LMBRD1: variants seen among roughly 807,000 people sequenced by gnomAD.
LMBRD1 encodes lysosomal cobalamin transport escort protein LMBD1.
A neutral mutation model predicts 74.8 loss-of-function variants in LMBRD1; 64 were observed. The ratio of observed to expected loss-of-function variants is 0.86; its 90% confidence interval spans 0.70 to 1.05. The LOEUF is 1.05. Among genes scored for constraint, LMBRD1 ranks in the 50% least tolerant of loss-of-function variants. The pLI, the probability that LMBRD1 is intolerant of heterozygous loss-of-function variation, is 0.00. For synonymous variants in LMBRD1, 204 were observed against 216.3 expected (o/e 0.94, Z 0.50); for missense variants, 652 against 645.9 (o/e 1.01, Z -0.10).
intron 2 of LMBRD1, 32 bp from the exon 3 acceptor site, chr6:69,780,586 T>A (rs1046873521): frequency 6.6e-7 from 1 of 1,505,592 alleles, no homozygotes. Flanking sequence ...GAAATATTAA[T>A]GAAACACCCA....
chr6:69,717,447 G>A (rs899897833), intron 8 of LMBRD1, among the ~76,000 whole-genome samples: 6 of 152,036 alleles, frequency 3.9e-5, no homozygotes, highest in African/African-American at 1.4e-4. Context: ...ATGCTCATTA[G>A]AGGCTTCCTT....
intron 14 of LMBRD1, among the ~76,000 whole-genome samples, chr6:69,679,544 T>A (rs1356849652): frequency 6.6e-6 from 1 of 152,146 alleles, no homozygotes; most frequent in Non-Finnish European, 1.5e-5. Flanking sequence ...AAGGGGATAT[T>A]TTAAATTTAT....
intron 14 of LMBRD1, among the ~76,000 whole-genome samples, chr6:69,696,223 T>G (rs1298580341): frequency 6.6e-6 from 1 of 152,226 alleles, no homozygotes; most frequent in Non-Finnish European, 1.5e-5. Context: ...AGAAATTCTT[T>G]CAATTTACTT....
chr6:69,723,726 C>T (rs957109378), intron 7 of LMBRD1, among the ~76,000 whole-genome samples: 1 of 151,244 alleles, frequency 6.6e-6, no homozygotes, highest in Non-Finnish European at 1.5e-5. Context: ...AGAAGAAAAA[C>T]TTCAAACAAA....
chr6:69,780,948 C>G (rs1765821003), intron 2 of LMBRD1, among the ~76,000 whole-genome samples: 1 of 152,032 alleles, frequency 6.6e-6, no homozygotes, highest in Non-Finnish European at 1.5e-5. Flanking sequence ...TTAAATTGAG[C>G]TTTTGGAAAG....
chr6:69,790,979 A>T lies in LMBRD1; in HGVS notation c.70-507T>A, dbSNP rs548776571. Reference sequence around the variant, plus strand: ...CCATGCAATTATCACATTATACTATAATTTAAATTTTAAAGAGCATTAAAC... The same window carrying T: ...CCATGCAATTATCACATTATACTATTATTTAAATTTTAAAGAGCATTAAAC... On this transcript the variant is annotated intron_variant, in intron 1 of 15. Transcript: ENST00000649934. Among the ~76,000 whole-genome samples, 33 of 152,308 alleles carry T rather than the reference A, an allele frequency of 2.2e-4. No individual in the cohort carries two copies. The South Asian group carries it at 6.8e-3, about 32-fold the overall frequency.
In LMBRD1 at chr6:69,749,394, T is replaced by C. The variant is rs762039839; in HGVS notation, c.420A>G (p.Ala140=). 77 of 1,612,054 alleles carry C rather than the reference T, an allele frequency of 4.8e-5. No homozygotes were observed. The highest frequency in any genetic ancestry group is 6.4e-5 in the Non-Finnish European group (76 of 1,178,960). Residue 140 remains alanine, a synonymous_variant, in exon 5 of 16, where the codon GCA becomes GCG. Coordinates refer to ENST00000649934, the MANE Select transcript of LMBRD1 (RefSeq NM_018368.4). ...DTSKCTQIKT[A]LKYTLGFVVI... is the part of the protein sequence containing the mutation. ...CAACAAATCCCAAAGTATACTTGAG[T>C]GCCGTTTTAATTTGCTAGATGCCAA... is the stretch of plus-strand genomic sequence containing the variant.
intron 14 of LMBRD1, among the ~76,000 whole-genome samples, chr6:69,682,132 A>G (rs1051477762): frequency 1.3e-5 from 2 of 151,884 alleles, no homozygotes; most frequent in African/African-American, 4.8e-5. Flanking sequence ...AATAAATGGG[A>G]AGGCAGAAAA....
rs150319592 is a variant in LMBRD1, at chr6:69,707,571, T to A, written c.916-5618A>T. 4.8e-3 allele frequency among the ~76,000 whole-genome samples: 725 copies of A among 152,314 alleles called. 8 individuals are homozygous for A. The highest frequency in any genetic ancestry group is 0.017 in the Middle Eastern group (5 of 294). On this transcript the variant is annotated intron_variant, in intron 9 of 15. Transcript: ENST00000649934. ...GTCTTTAAACACCGTTTATTTTTAG[T>A]CCTTTTGAACTACTGTTTTAGGTGT... is the stretch of plus-strand genomic sequence containing the variant.
chr6:69,796,626 G>A (rs1281434613), intron 1 of LMBRD1, among the ~76,000 whole-genome samples, 187 bp downstream of exon 1: 1 of 152,086 alleles, frequency 6.6e-6, no homozygotes, highest in Non-Finnish European at 1.5e-5. Flanking sequence ...AAAGAGACCG[G>A]AAATCGACAC....
At chr6:69,768,694 G>A (rs1765519643) in intron 3 of LMBRD1, among the ~76,000 whole-genome samples, 1 of 151,790 alleles carries the variant, frequency 6.6e-6, no homozygotes, top group Non-Finnish European at 1.5e-5. Context: ...TATGAATTTG[G>A]TTTACTGCCT....
intron 12 of LMBRD1, among the ~76,000 whole-genome samples, chr6:69,699,405 A>C (rs1766079170): frequency 6.6e-6 from 1 of 151,816 alleles, no homozygotes; most frequent in Non-Finnish European, 1.5e-5. Flanking sequence ...ATTGTGTAAC[A>C]GCATCTGTTA....
In LMBRD1 at chr6:69,700,828, C is replaced by T; in HGVS notation, c.1125G>A (p.Met375Ile). Reference protein sequence around the residue: ...LDYILITIIIMYFIFTSMAGI... With the variant: ...LDYILITIIIIYFIFTSMAGI... ...CTGCCATTGAAGTAAAAATAAAGTACATAATAATAATTGTTATAAGAATAT... is the reference window on the plus strand; with the variant it reads ...CTGCCATTGAAGTAAAAATAAAGTATATAATAATAATTGTTATAAGAATAT... Residue 375 changes from methionine to isoleucine, a missense_variant, in exon 12 of 16, where the codon ATG becomes ATA. Met to Ile is a conservative substitution (Grantham distance 10). Around this residue, in one of 3 missense-constraint regions of LMBRD1, gnomAD observed 598 missense variants for 581.8 expected, o/e 1.03. Transcript: ENST00000649934. 1 of 1,469,952 alleles carries T rather than the reference C, an allele frequency of 6.8e-7. No individual in the cohort carries two copies. The highest frequency in any genetic ancestry group is 1.3e-5 in the South Asian group (1 of 79,032). The allele number at this position is 1,469,952 out of a possible 1,614,324, so 91.1% of individuals were successfully genotyped here.
rs1054154691 is a variant in LMBRD1 at position 69,679,841 on chromosome 6, C to T, written c.1418-3300G>A. On this transcript the variant is annotated intron_variant, in intron 14 of 15. Transcript: ENST00000649934. Reference sequence around the variant, plus strand: ...CAGAATTGCTATAAAGATCATATGACATATACATCAAAAGCCCCAGGCAAA... The same window carrying T: ...CAGAATTGCTATAAAGATCATATGATATATACATCAAAAGCCCCAGGCAAA... Among the ~76,000 whole-genome samples, 9 of 152,170 alleles carry T rather than the reference C, an allele frequency of 5.9e-5. No individual in the cohort carries two copies. In the East Asian group the frequency reaches 1.7e-3, roughly 29 times the overall value.
At chr6:69,782,747 C>T (rs1765866306) in intron 2 of LMBRD1, among the ~76,000 whole-genome samples, 1 of 151,992 alleles carries the variant, frequency 6.6e-6, no homozygotes, top group Non-Finnish European at 1.5e-5. Context: ...TACTAAAGCA[C>T]CTGCACTGTG....
intron 7 of LMBRD1, among the ~76,000 whole-genome samples, chr6:69,730,643 A>G (rs1766835032): frequency 6.6e-6 from 1 of 152,114 alleles, no homozygotes; most frequent in African/African-American, 2.4e-5. Context: ...TTCTTGGTAC[A>G]ATTATTGAGT....
chr6:69,768,745 T>C (rs1765520495), intron 3 of LMBRD1, among the ~76,000 whole-genome samples: 6 of 152,120 alleles, frequency 3.9e-5, no homozygotes, highest in Admixed American at 3.9e-4. Flanking sequence ...CCTTTAGCAT[T>C]CTTGTAAGAA....
At chr6:69,724,674 T>C (rs1766689255) in intron 7 of LMBRD1, among the ~76,000 whole-genome samples, 1 of 151,404 alleles carries the variant, frequency 6.6e-6, no homozygotes, top group African/African-American at 2.4e-5. Context: ...CAACATCCTT[T>C]CAAGATAAAA....
At chr6:69,718,308 C>T (rs9351772) in intron 8 of LMBRD1, among the ~76,000 whole-genome samples, 51,269 of 151,866 alleles carry the variant, frequency 0.34, 9,714 homozygotes, top group East Asian at 0.54. Flanking sequence ...TTATAAACGA[C>T]GATACCTGAG....
Sources: gnomAD v4.1 joint callset for allele counts (sites outside exome capture counted in the v4.1 genomes callset) on GRCh38, gnomAD v4.1.1 for gene constraint, gnomAD v4.1.1 regional missense constraint, MANE v1.5 for transcripts, NCBI Gene and HGNC (gene_info 2026-07-23, HGNC 2026-07-21) for gene names.